Variants in CPEB1 observed in about 807,000 individuals in gnomAD.
The protein encoded by CPEB1 is cytoplasmic polyadenylation element-binding protein 1.
In CPEB1, 7 loss-of-function variants were observed where a neutral mutation model predicts 65.8. The ratio of observed to expected loss-of-function variants is 0.11; its 90% confidence interval spans 0.06 to 0.20. The LOEUF is 0.20. CPEB1 is among the 10% of genes least tolerant of loss of function. The pLI is 1.00. For synonymous variants in CPEB1, 262 were observed against 260.0 expected (o/e 1.01, Z -0.08); for missense variants, 551 against 712.2 (o/e 0.77, Z 2.58).
At chr15:82,637,054 T>C (rs1030560187) in intron 1 of CPEB1, among the ~76,000 whole-genome samples, 2 of 152,210 alleles carry the variant, frequency 1.3e-5, no homozygotes, top group Admixed American at 6.5e-5. Context: ...CTCCATATAA[T>C]GCTTCTCTGG....
intron 3 of CPEB1, among the ~76,000 whole-genome samples, chr15:82,591,825 TTTAG>T (rs2042279038): frequency 6.6e-6 from 1 of 152,038 alleles, no homozygotes; most frequent in Admixed American, 6.6e-5. Flanking sequence ...TCATCATTGT[TTTAG>T]TTTGTATCAG....
intron 3 of CPEB1, among the ~76,000 whole-genome samples, chr15:82,596,721 T>C (rs1445002758): frequency 6.7e-6 from 1 of 148,650 alleles, no homozygotes; most frequent in Non-Finnish European, 1.5e-5. Context: ...AAAAAAAAGT[T>C]CATTACAGTA....
chr15:82,556,212 T>G, intron 5 of CPEB1, 90 bp from the exon 6 acceptor site: 1 of 1,350,264 alleles, frequency 7.4e-7, no homozygotes, highest in Non-Finnish European at 9.9e-7. Context: ...AAACATCCAA[T>G]AGACATTTAG....
chr15:82,628,044 C>T, intron 2 of CPEB1: 2 of 608,616 alleles, frequency 3.3e-6, no homozygotes, highest in East Asian at 2.7e-5. Context: ...ACCTTTAAGG[C>T]TCATTACACA....
chr15:82,571,364 G>T lies in CPEB1; in HGVS notation c.440C>A (p.Ala147Asp), dbSNP rs370471256. The T allele has an allele frequency of 7.1e-5, 115 of 1,613,956 alleles. No individual in the cohort carries two copies. Among genetic ancestry groups the T allele is most frequent in the Non-Finnish European group, 9.0e-5 (106 of 1,179,974 alleles). The change falls in exon 4 of 13, where the codon GCC becomes GAC. Residue 147 changes from alanine to aspartate, a missense_variant. Ala to Asp is a moderately radical substitution (Grantham distance 126). Coordinates refer to ENST00000684509, the MANE Select transcript of CPEB1 (RefSeq NM_001365242.1). ...PWSTQDSDSSAQSSTHSVLSM... is the reference protein window; with the variant it reads ...PWSTQDSDSSDQSSTHSVLSM... ...CTCACCCGAGTGTGTGCTGCTCTGG[G>T]CTGAGGAATCTGAGTCCTGGGTGCT...
intron 3 of CPEB1, 41 bp from the exon 4 acceptor site, chr15:82,571,573 G>C: frequency 6.3e-7 from 1 of 1,581,364 alleles, no homozygotes; most frequent in Non-Finnish European, 8.6e-7. Context: ...CAGAGTTAAG[G>C]GCTGTTTTCC....
At chr15:82,550,967 G>A (rs2036148868) in intron 9 of CPEB1, among the ~76,000 whole-genome samples, 1 of 152,212 alleles carries the variant, frequency 6.6e-6, no homozygotes, top group Non-Finnish European at 1.5e-5. Flanking sequence ...GGGCACTGAG[G>A]AGGAAGGGGA....
intron 3 of CPEB1, among the ~76,000 whole-genome samples, chr15:82,590,335 C>T (rs370805744): frequency 1.3e-4 from 20 of 151,178 alleles, no homozygotes; most frequent in African/African-American, 4.9e-4. Flanking sequence ...TCCTTGGTCA[C>T]ATATTTAAAT....
chr15:82,585,967 G>GA (rs1296533981), intron 3 of CPEB1, among the ~76,000 whole-genome samples: 3,337 of 143,130 alleles, frequency 0.023, 121 homozygotes, highest in African/African-American at 0.078. Flanking sequence ...TATAAGTGAA[G>GA]AAAAAAAAAA....
intron 3 of CPEB1, among the ~76,000 whole-genome samples, chr15:82,608,760 A>ACTGAT (rs1424650073): frequency 9.9e-6 from 1 of 101,076 alleles, no homozygotes; most frequent in East Asian, 2.7e-4. Flanking sequence ...TACCCTGATC[A>ACTGAT]TTGATTTTAT....
chr15:82,593,306 T>C (rs1028048798), intron 3 of CPEB1, among the ~76,000 whole-genome samples: 26 of 152,238 alleles, frequency 1.7e-4, no homozygotes, highest in African/African-American at 6.3e-4. Flanking sequence ...ACTAACTTTA[T>C]GTGGAAATTC....
At chr15:82,577,939 G>A (rs1028760040) in intron 3 of CPEB1, among the ~76,000 whole-genome samples, 15 of 152,208 alleles carry the variant, frequency 9.9e-5, no homozygotes, top group African/African-American at 3.4e-4. Context: ...AGGAGATCGA[G>A]ACCATCCTGG....
chr15:82,597,309 A>G (rs964333729), intron 3 of CPEB1, among the ~76,000 whole-genome samples: 1 of 152,218 alleles, frequency 6.6e-6, no homozygotes, highest in African/African-American at 2.4e-5. Flanking sequence ...TTAAGGAATC[A>G]GAGAGACTGA....
At chr15:82,566,683 C>A (rs2039182326) in intron 4 of CPEB1, among the ~76,000 whole-genome samples, 1 of 152,002 alleles carries the variant, frequency 6.6e-6, no homozygotes, top group South Asian at 2.1e-4. Flanking sequence ...CTTGTAAGGT[C>A]AGCACACATC....
intron 4 of CPEB1, 47 bp downstream of exon 4, chr15:82,571,297 C>T: frequency 3.2e-6 from 5 of 1,574,274 alleles, no homozygotes; most frequent in Non-Finnish European, 4.3e-6. Context: ...TCGTTCACCA[C>T]CCCCATGCAT....
upstream of CPEB1, chr15:82,647,866 G>T (rs2047713514): frequency 7.9e-7 from 1 of 1,266,182 alleles, no homozygotes; most frequent in African/African-American, 1.6e-5. Context: ...CAGCGGGAAC[G>T]CCATGGGGCC....
chr15:82,547,946 T>C (rs1397363418), intron 10 of CPEB1, among the ~76,000 whole-genome samples: 1 of 152,174 alleles, frequency 6.6e-6, no homozygotes, highest in Admixed American at 6.5e-5. Flanking sequence ...AGTGCCAGGA[T>C]TATAGGTATA....
chr15:82,562,112 G>C (rs2038321930), intron 4 of CPEB1: 3 of 431,406 alleles, frequency 7.0e-6, no homozygotes, highest in Admixed American at 5.5e-5. Flanking sequence ...ATGAGTGACA[G>C]AGACTGGATG....
chr15:82,627,140 G>A, intron 3 of CPEB1, 53 bp downstream of exon 3: 1 of 1,419,434 alleles, frequency 7.0e-7, no homozygotes, highest in Non-Finnish European at 9.5e-7. Context: ...GCACTACTTA[G>A]AAGCAGATCT....
Sources: allele counts gnomAD v4.1 joint callset (sites outside exome capture counted in the v4.1 genomes callset), GRCh38; gene constraint gnomAD v4.1.1; transcripts MANE v1.5; gene names NCBI Gene and HGNC (gene_info 2026-07-23, HGNC 2026-07-21).